The following TCL1B variants were observed in gnomAD, a reference collection of about 807,000 sequenced individuals.
TCL1B encodes the protein TCL1 family AKT coactivator B.
In TCL1B, 14 loss-of-function variants were observed where a neutral mutation model predicts 16.9. The observed-to-expected ratio is 0.83, with a 90% CI of 0.55 to 1.30. TCL1B has a LOEUF of 1.30. TCL1B is among the 50% of genes most tolerant of loss of function. The pLI, the probability that TCL1B is intolerant of heterozygous loss-of-function variation, is 0.00. For missense variants in TCL1B, 166 were observed against 165.2 expected (o/e 1.00, Z -0.03); for synonymous variants, 79 against 66.6 (o/e 1.19, Z -0.91).
chr14:95,687,152 A>C (rs989356991), intron 1 of TCL1B, among the ~76,000 whole-genome samples: 2 of 152,228 alleles, frequency 1.3e-5, no homozygotes, highest in African/African-American at 2.4e-5. Context: ...TCACCGCCTG[A>C]ATGGCCTGGG....
At chr14:95,687,818 GGT>G (rs1340182129) in intron 1 of TCL1B, among the ~76,000 whole-genome samples, 1 of 151,984 alleles carries the variant, frequency 6.6e-6, no homozygotes, top group East Asian at 2.0e-4. Flanking sequence ...CGGGCGTGGT[GGT>G]GGACGCCTGT....
Position 95,690,895 on chromosome 14 carries a change from G to A in TCL1B, c.322G>A (p.Asp108Asn). The change falls in exon 2 of 4, where the codon GAC becomes AAC. Residue 108 changes from aspartate to asparagine, a missense_variant. Coordinates refer to ENST00000340722, the MANE Select transcript of TCL1B (RefSeq NM_004918.4). The part of the protein sequence containing the change: ...AADSSFWEIA[D>N]HGQIDSMEQL... ...GGATTCCAGTTTCTGGGAAATAGCA[G>A]ACCATGGCCAGGCAAGTGTGTGGTG... 6.2e-7 allele frequency: 1 copy of A among 1,613,524 alleles called. No homozygotes were observed. The highest frequency in any genetic ancestry group is 8.5e-7 in the Non-Finnish European group (1 of 1,179,540).
intron 3 of TCL1B, 87 bp downstream of exon 3, chr14:95,691,423 C>T: frequency 8.1e-7 from 1 of 1,237,374 alleles, no homozygotes; most frequent in Non-Finnish European, 1.1e-6. Flanking sequence ...GCGTGGCCTC[C>T]TCCTCCCTGC....
chr14:95,689,083 G>A (rs927604931), intron 1 of TCL1B, among the ~76,000 whole-genome samples: 17 of 152,142 alleles, frequency 1.1e-4, no homozygotes, highest in African/African-American at 2.2e-4. Flanking sequence ...TCAGGAGATC[G>A]AGACCATCCT....
At chr14:95,690,660 T>C in intron 1 of TCL1B, 76 bp from the exon 2 acceptor site, 1 of 1,495,982 alleles carries the variant, frequency 6.7e-7, no homozygotes, top group Non-Finnish European at 9.1e-7. Context: ...GGCAGCCCAC[T>C]GGCCATTGCT....
intron 1 of TCL1B, among the ~76,000 whole-genome samples, chr14:95,687,622 T>G (rs542986663): frequency 9.9e-5 from 15 of 152,234 alleles, no homozygotes; most frequent in Non-Finnish European, 1.6e-4. Flanking sequence ...TGGCTGTACC[T>G]TAGTGTAATG....
At chr14:95,688,804 A>G (rs942284650) in intron 1 of TCL1B, among the ~76,000 whole-genome samples, 14 of 152,364 alleles carry the variant, frequency 9.2e-5, no homozygotes, top group African/African-American at 2.6e-4. Flanking sequence ...ATTCTCTTGT[A>G]TGAGGTACTC....
At position 95,690,767 on chromosome 14, in the gene TCL1B, A is replaced by T; in HGVS notation, c.194A>T (p.Gln65Leu). ...YEPSITVHLW[Q>L]MAVHTRELLS... is the part of the protein sequence containing the mutation. ...CCCAGCATCACAGTGCACTTGTGGC[A>T]GATGGCAGTGCATACCCGGGAGCTA... Residue 65 changes from glutamine (Q) to leucine (L), a missense_variant, in exon 2 of 4, where the codon CAG becomes CTG. Coordinates refer to ENST00000340722, the MANE Select transcript of TCL1B (RefSeq NM_004918.4). 1.2e-6 allele frequency: 2 copies of T among 1,614,132 alleles called. No individual in the cohort carries two copies.
intron 1 of TCL1B, among the ~76,000 whole-genome samples, chr14:95,689,718 AC>A (rs2139705051): frequency 6.6e-6 from 1 of 152,366 alleles, no homozygotes; most frequent in African/African-American, 2.4e-5. Flanking sequence ...GTCAGAATAC[AC>A]AGAGAAGGAG....
intron 1 of TCL1B, 92 bp downstream of exon 1, chr14:95,686,721 C>G (rs1885769798): frequency 2.8e-5 from 39 of 1,402,092 alleles, no homozygotes; most frequent in Non-Finnish European, 3.5e-5. Context: ...GGGGGCCGTT[C>G]TCACCCGCAC....
intron 1 of TCL1B, among the ~76,000 whole-genome samples, chr14:95,688,979 A>C (rs1885818146): frequency 6.6e-6 from 1 of 152,228 alleles, no homozygotes; most frequent in African/African-American, 2.4e-5. Flanking sequence ...ACTTAATGCC[A>C]CCAAACTGTA....
intron 1 of TCL1B, chr14:95,689,405 TAGTA>T (rs992568687): frequency 3.3e-5 from 5 of 152,240 alleles, no homozygotes; most frequent in African/African-American, 7.2e-5. Flanking sequence ...GGGACCTACT[TAGTA>T]AGTATTTTTT....
Position 95,686,554 on chromosome 14 carries a change from G to A in TCL1B, c.87G>A (p.Gly29=), listed in dbSNP as rs146693410. The change falls in exon 1 of 4, where the codon GGG becomes GGA. Residue 29 remains glycine (G), a synonymous_variant. Coordinates refer to ENST00000340722, the MANE Select transcript of TCL1B (RefSeq NM_004918.4). The part of the protein sequence containing the change: ...QRPGIYEDEE[G]RTWVTVVVRF... The stretch of plus-strand genomic sequence containing the variant: ...CTGGCATCTACGAAGATGAGGAGGG[G>A]AGAACCTGGGTGACTGTGGTCGTGC... 6.2e-7 allele frequency: 1 copy of A among 1,614,014 alleles called. No individual in the cohort carries two copies. The highest frequency in any genetic ancestry group is 1.7e-5 in the Admixed American group (1 of 60,020).
rs201542434 is a variant in TCL1B, at chr14:95,686,546, G to A, written c.79G>A (p.Glu27Lys). 1.2e-6 allele frequency: 2 copies of A among 1,613,974 alleles called. No homozygotes were observed. Among genetic ancestry groups the A allele is most frequent in the Non-Finnish European group, 1.7e-6 (2 of 1,179,914 alleles). The change falls in exon 1 of 4, where the codon GAG (glutamate) becomes AAG (lysine). Residue 27 changes from glutamate to lysine, a missense_variant. Coordinates refer to ENST00000340722, the MANE Select transcript of TCL1B (RefSeq NM_004918.4). ...WIQRPGIYED[E>K]EGRTWVTVVV... Reference sequence around the variant, plus strand: ...CCAGAGGCCTGGCATCTACGAAGATGAGGAGGGGAGAACCTGGGTGACTGT... The same window carrying A: ...CCAGAGGCCTGGCATCTACGAAGATAAGGAGGGGAGAACCTGGGTGACTGT...
chr14:95,688,944 T>G (rs1402989190), intron 1 of TCL1B, among the ~76,000 whole-genome samples: 4 of 152,084 alleles, frequency 2.6e-5, no homozygotes, highest in African/African-American at 9.7e-5. Flanking sequence ...AGGTGGATAG[T>G]GCCGACGGTT....
intron 1 of TCL1B, 144 bp from the exon 2 acceptor site, chr14:95,690,592 C>A: frequency 1.1e-6 from 1 of 949,752 alleles, no homozygotes; most frequent in Non-Finnish European, 1.6e-6. Flanking sequence ...GATGGAGCCA[C>A]AAGTACCAGT....
intron 1 of TCL1B, among the ~76,000 whole-genome samples, chr14:95,689,857 A>G (rs1187103021): frequency 6.6e-6 from 1 of 152,260 alleles, no homozygotes; most frequent in Non-Finnish European, 1.5e-5. Context: ...TCTTAATTCA[A>G]AAAGACATTT....
At chr14:95,687,164 A>G (rs1456434270) in intron 1 of TCL1B, among the ~76,000 whole-genome samples, 2 of 152,200 alleles carry the variant, frequency 1.3e-5, no homozygotes, top group Non-Finnish European at 2.9e-5. Context: ...TGGCCTGGGG[A>G]AGCATTTGAC....
At chr14:95,691,199 T>C (rs1330734109) in intron 2 of TCL1B, 69 bp from the exon 3 acceptor site, 3 of 1,553,820 alleles carry the variant, frequency 1.9e-6, no homozygotes, top group East Asian at 2.3e-5. Context: ...CCAGCCTGCA[T>C]GGGCGGCCGT....
Sources: allele counts gnomAD v4.1 joint callset (sites outside exome capture counted in the v4.1 genomes callset), GRCh38; gene constraint gnomAD v4.1.1; transcripts MANE v1.5; gene names NCBI Gene and HGNC (gene_info 2026-07-23, HGNC 2026-07-21).